Variants in PRTFDC1 observed in about 807,000 individuals in gnomAD.
PRTFDC1 encodes the protein phosphoribosyl transferase domain containing 1, also known as phosphoribosyltransferase domain-containing protein 1.
In PRTFDC1, 38 loss-of-function variants were observed where a neutral mutation model predicts 34.6. The observed-to-expected ratio is 1.10, with a 90% CI of 0.85 to 1.44. The LOEUF is 1.44. PRTFDC1 is among the 40% of genes most tolerant of loss of function. PRTFDC1 has a pLI of 0.00. For missense variants in PRTFDC1, 270 were observed against 283.0 expected (o/e 0.95, Z 0.33); for synonymous variants, 93 against 98.1 (o/e 0.95, Z 0.31).
intron 3 of PRTFDC1, among the ~76,000 whole-genome samples, chr10:24,935,849 A>C (rs1467037633): frequency 6.6e-6 from 1 of 152,226 alleles, no homozygotes; most frequent in Non-Finnish European, 1.5e-5. Flanking sequence ...TGGAGAGTCT[A>C]CCAACTCCAG....
chr10:24,949,739 ATT>A (rs201933925), intron 1 of PRTFDC1, among the ~76,000 whole-genome samples: 2 of 117,016 alleles, frequency 1.7e-5, no homozygotes, highest in African/African-American at 2.8e-5. Flanking sequence ...TTATTTATTT[ATT>A]TTTTTTTTTT....
chr10:24,935,238 A>G (rs947696828), intron 3 of PRTFDC1, among the ~76,000 whole-genome samples: 3 of 152,202 alleles, frequency 2.0e-5, no homozygotes, highest in African/African-American at 7.2e-5. Context: ...AAAAATGTTA[A>G]CAGGTTTTTA....
chr10:24,936,814 G>A (rs1849058124), intron 3 of PRTFDC1, among the ~76,000 whole-genome samples: 1 of 152,076 alleles, frequency 6.6e-6, no homozygotes, highest in Non-Finnish European at 1.5e-5. Flanking sequence ...CCCTCCCATA[G>A]GTCCCCAGGA....
chr10:24,948,564 G>A (rs1459814084), intron 1 of PRTFDC1, among the ~76,000 whole-genome samples: 1 of 152,166 alleles, frequency 6.6e-6, no homozygotes, highest in Non-Finnish European at 1.5e-5. Context: ...ATAGGCAAGA[G>A]CCATCTTAAA....
chr10:24,921,079 C>T (rs533602346), intron 3 of PRTFDC1, among the ~76,000 whole-genome samples: 12 of 149,578 alleles, frequency 8.0e-5, no homozygotes, highest in Non-Finnish European at 1.6e-4. Context: ...TACAACACAG[C>T]GGTTACAAGT....
At chr10:24,886,071 C>G (rs1425773289) in intron 3 of PRTFDC1, among the ~76,000 whole-genome samples, 3 of 152,126 alleles carry the variant, frequency 2.0e-5, no homozygotes, top group Non-Finnish European at 4.4e-5. Flanking sequence ...GGATTGATAT[C>G]ATCATACAGA....
chr10:24,937,050 G>A, intron 3 of PRTFDC1, 134 bp downstream of exon 3: 1 of 846,552 alleles, frequency 1.2e-6, no homozygotes, highest in Non-Finnish European at 1.8e-6. Flanking sequence ...CCGTATTCTT[G>A]CAAATTAAAA....
At chr10:24,856,455 G>A (rs1847577972) in intron 6 of PRTFDC1, among the ~76,000 whole-genome samples, 1 of 152,068 alleles carries the variant, frequency 6.6e-6, no homozygotes, top group Admixed American at 6.6e-5. Flanking sequence ...GGGTGCAGTG[G>A]CAGGCGCCTG....
chr10:24,888,783 T>C (rs541717526), intron 3 of PRTFDC1, among the ~76,000 whole-genome samples: 1 of 152,182 alleles, frequency 6.6e-6, no homozygotes, highest in African/African-American at 2.4e-5. Context: ...ACATAATATA[T>C]AATATACATC....
At chr10:24,898,454 A>G (rs1588601076) in intron 3 of PRTFDC1, among the ~76,000 whole-genome samples, 1 of 107,314 alleles carries the variant, frequency 9.3e-6, no homozygotes, top group South Asian at 3.1e-4. Flanking sequence ...ACAGAATGAG[A>G]CCCTGTCTCA....
At chr10:24,870,933 A>G (rs1162296062) in intron 4 of PRTFDC1, among the ~76,000 whole-genome samples, 1 of 151,858 alleles carries the variant, frequency 6.6e-6, no homozygotes, top group Non-Finnish European at 1.5e-5. Flanking sequence ...TTACCCGGGC[A>G]TGGTGGCAGG....
intron 3 of PRTFDC1, among the ~76,000 whole-genome samples, chr10:24,883,131 TATAAC>T (rs1320168619): frequency 1.9e-4 from 28 of 148,368 alleles, no homozygotes; most frequent in African/African-American, 6.8e-4. Context: ...AATAATATAA[TATAAC>T]ATAAATATTA....
In PRTFDC1 at chr10:24,952,519, T is replaced by C; in HGVS notation, c.48+9A>G. 6.3e-7 allele frequency: 1 copy of C among 1,584,226 alleles called. No homozygotes were observed. The highest frequency in any genetic ancestry group is 8.6e-7 in the Non-Finnish European group (1 of 1,164,624). The stretch of plus-strand genomic sequence containing the variant: ...GGGCCGAGCCCCAAAATAGGGAGTT[T>C]GCATTTACCACGACGCCTCGCCCGT... On this transcript the variant is annotated intron_variant, in intron 1 of 8. Transcript: ENST00000320152. This position sits in a 1 kb window ranked among gnomAD's most constrained non-coding sequence, Gnocchi z 5.1.
In PRTFDC1 at chr10:24,952,495, G is replaced by A. The variant is rs765573234; in HGVS notation, c.48+33C>T. On this transcript the variant is annotated intron_variant, in intron 1 of 8. Transcript: ENST00000320152. The surrounding 1 kb of genome is among the most constrained non-coding windows in gnomAD (Gnocchi z 5.1). ...AGGGTGCCAGGGAGGGAGGGGAGCG[G>A]GCCGAGCCCCAAAATAGGGAGTTTG... is the stretch of plus-strand genomic sequence containing the variant. 12 of 1,565,202 alleles carry A rather than the reference G, an allele frequency of 7.7e-6. No homozygotes were observed. In the African/African-American group the frequency reaches 1.1e-4, roughly 14 times the overall value.
chr10:24,898,408 G>A (rs1037098529), intron 3 of PRTFDC1, among the ~76,000 whole-genome samples: 5 of 144,540 alleles, frequency 3.5e-5, no homozygotes, highest in Admixed American at 2.2e-4. Flanking sequence ...AGGCTGCAGT[G>A]AGCCATGATT....
chr10:24,899,453 C>T (rs979179925), intron 3 of PRTFDC1, among the ~76,000 whole-genome samples: 1 of 152,120 alleles, frequency 6.6e-6, no homozygotes, highest in Non-Finnish European at 1.5e-5. Flanking sequence ...TAACTATTCC[C>T]GGCTATACTG....
At chr10:24,938,298 G>A (rs1330174642) in intron 2 of PRTFDC1, among the ~76,000 whole-genome samples, 1 of 151,426 alleles carries the variant, frequency 6.6e-6, no homozygotes, top group African/African-American at 2.4e-5. Context: ...CTCCAGAAAA[G>A]CAACTATAAA....
At chr10:24,881,124 G>A (rs981046818) in intron 3 of PRTFDC1, among the ~76,000 whole-genome samples, 11 of 150,568 alleles carry the variant, frequency 7.3e-5, no homozygotes, top group African/African-American at 1.5e-4. Context: ...TGGGAAAGCA[G>A]TGGTGCAATC....
intron 1 of PRTFDC1, among the ~76,000 whole-genome samples, chr10:24,951,127 C>T (rs189059165): frequency 5.0e-4 from 76 of 152,198 alleles, no homozygotes; most frequent in Middle Eastern, 3.4e-3. Flanking sequence ...GGGTCTCTGC[C>T]TGCAGTCCAC....
Sources: gnomAD v4.1 joint callset for allele counts (sites outside exome capture counted in the v4.1 genomes callset) on GRCh38, gnomAD v4.1.1 for gene constraint, Gnocchi (gnomAD v3.1) non-coding constraint, MANE v1.5 for transcripts, NCBI Gene and HGNC (gene_info 2026-07-23, HGNC 2026-07-21) for gene names.